The following WWP1 variants were observed in gnomAD, a reference collection of about 807,000 sequenced individuals.
The protein encoded by WWP1 is WW domain containing E3 ubiquitin protein ligase 1.
WWP1 carries 49 observed loss-of-function variants against 130.6 expected under a neutral mutation model. The ratio of observed to expected loss-of-function variants is 0.38; its 90% CI spans 0.30 to 0.48. The LOEUF is 0.48. WWP1 is among the 20% of genes least tolerant of loss of function. The pLI, the probability that WWP1 is intolerant of heterozygous loss-of-function variation, is 0.99. For synonymous variants in WWP1, 332 were observed against 367.8 expected (o/e 0.90, Z 1.11); for missense variants, 809 against 1,100.6 (o/e 0.74, Z 3.75).
At chr8:86,430,843 T>TTA (rs1450932808) in intron 12 of WWP1, 92 bp downstream of exon 12, 81 of 385,180 alleles carry the variant, frequency 2.1e-4, no homozygotes, top group Non-Finnish European at 2.7e-4. Flanking sequence ...GTTCCTTATT[T>TTA]TATATATATA....
chr8:86,398,260 T>C (rs1305211542), intron 5 of WWP1, 82 bp from the exon 6 acceptor site: 27 of 1,437,118 alleles, frequency 1.9e-5, no homozygotes, highest in Non-Finnish European at 2.5e-5. Context: ...TGAATTAGAG[T>C]GATTCTTGAA....
Position 86,402,552 on chromosome 8 carries a change from T to C in WWP1, c.724+349T>C, listed in dbSNP as rs144025894. Among the ~76,000 whole-genome samples, 77 of 152,230 alleles carry C rather than the reference T, an allele frequency of 5.1e-4. No individual in the cohort carries two copies. The Middle Eastern group carries it at 0.014, about 27-fold the overall frequency. On this transcript the variant is annotated intron_variant, in intron 8 of 24. Coordinates refer to ENST00000517970, the MANE Select transcript of WWP1 (RefSeq NM_007013.4). ...AGTGATCTGCCCACCTCAGCCTCCCTAAAGTGTTGGGATTACAGGCATGAG... is the reference window on the plus strand; with the variant it reads ...AGTGATCTGCCCACCTCAGCCTCCCCAAAGTGTTGGGATTACAGGCATGAG...
At chr8:86,450,088 T>C (rs1200660725) in intron 20 of WWP1, among the ~76,000 whole-genome samples, 2 of 152,222 alleles carry the variant, frequency 1.3e-5, no homozygotes, top group Non-Finnish European at 2.9e-5. Flanking sequence ...GATACTGCTA[T>C]GTGGCTTTTG....
intron 24 of WWP1, among the ~76,000 whole-genome samples, chr8:86,463,917 C>T (rs896181961): frequency 2.0e-5 from 3 of 151,754 alleles, no homozygotes; most frequent in African/African-American, 7.3e-5. Flanking sequence ...AAAAATTAGC[C>T]GGGTGTGGTG....
At chr8:86,442,532 G>A in intron 17 of WWP1, 87 bp from the exon 18 acceptor site, 1 of 1,264,478 alleles carries the variant, frequency 7.9e-7, no homozygotes, top group East Asian at 2.6e-5. Flanking sequence ...TTGAGCAGAG[G>A]TATGATGTAT....
rs1430308871 is a variant in WWP1, at chr8:86,431,159, ATATAT to A, written c.1388-240_1388-236del. 4.6e-5 allele frequency among the ~76,000 whole-genome samples: 5 copies of A among 109,302 alleles called. No homozygotes were observed. In the East Asian group the frequency reaches 1.3e-3, roughly 29 times the overall value. 71.7% of individuals were successfully genotyped at this position (109,302 alleles called of 152,430 possible). A position where few individuals can be genotyped will look rare whatever the true frequency, so the allele number is the denominator to read the frequency against. On this transcript the variant is annotated intron_variant, in intron 12 of 24. Coordinates refer to ENST00000517970, the MANE Select transcript of WWP1 (RefSeq NM_007013.4). ...ATTAAAGAATTATATATTATAGAAT[ATATAT>A]TATATTCTACATAATTATCTATAAT...
At chr8:86,461,447 A>G in intron 23 of WWP1, 127 bp downstream of exon 23, 1 of 822,106 alleles carries the variant, frequency 1.2e-6, no homozygotes. Context: ...TTCATTTAGA[A>G]GAAAGAAAAA....
In WWP1 at chr8:86,362,163, C is replaced by CATATATATATATATAT. The variant is rs34231831; in HGVS notation, c.-114-6752_-114-6737dup. On this transcript the variant is annotated intron_variant, in intron 1 of 24. Transcript: ENST00000517970. Reference sequence around the variant, plus strand: ...ATACTAGGCATATATATATACAAGGCATATATATATATATATATATATATA... The same window carrying CATATATATATATATAT: ...ATACTAGGCATATATATATACAAGGCATATATATATATATATATATATATATATATATATATATATA... Among the ~76,000 whole-genome samples the CATATATATATATATAT allele has an allele frequency of 2.7e-4, 16 of 59,020 alleles. 1 individual carries two copies. The highest frequency in any genetic ancestry group is 7.9e-4 in the African/African-American group (8 of 10,150). The allele number at this position is 59,020 out of a possible 152,430, so 38.7% of individuals were successfully genotyped here. A position where few individuals can be genotyped will look rare whatever the true frequency, so the allele number is the denominator to read the frequency against.
At chr8:86,374,978 G>C (rs185918382) in intron 3 of WWP1, among the ~76,000 whole-genome samples, 1 of 152,092 alleles carries the variant, frequency 6.6e-6, no homozygotes, top group East Asian at 1.9e-4. Context: ...CTCCCAAATT[G>C]AGCCACTGTG....
chr8:86,468,478 A>G lies in WWP1; in HGVS notation c.*1585A>G. On this transcript the variant is annotated 3_prime_UTR_variant, in exon 25 of 25. Coordinates refer to ENST00000517970, the MANE Select transcript of WWP1 (RefSeq NM_007013.4). ...ATGTGACAGGTTATGTGATAGAGGGAAACTGGCCTTCAAAAAGGACTGCGT... is the reference window on the plus strand; with the variant it reads ...ATGTGACAGGTTATGTGATAGAGGGGAACTGGCCTTCAAAAAGGACTGCGT... The G allele has an allele frequency of 2.4e-6, 1 of 425,082 alleles. No individual in the cohort carries two copies. Among genetic ancestry groups the G allele is most frequent in the Non-Finnish European group, 4.6e-6 (1 of 217,506 alleles). 26.3% of individuals were successfully genotyped at this position (425,082 alleles called of 1,614,324 possible). A position where few individuals can be genotyped will look rare whatever the true frequency, so the allele number is the denominator to read the frequency against.
chr8:86,448,705 C>A (rs1382144977), intron 20 of WWP1, among the ~76,000 whole-genome samples, 192 bp downstream of exon 20: 1 of 152,160 alleles, frequency 6.6e-6, no homozygotes, highest in Admixed American at 6.5e-5. Context: ...TCTACCATTT[C>A]CCTTTCCATG....
chr8:86,369,929 G>C (rs1327579679), intron 2 of WWP1, among the ~76,000 whole-genome samples: 1 of 151,710 alleles, frequency 6.6e-6, no homozygotes, highest in Non-Finnish European at 1.5e-5. Context: ...CATGTAATTT[G>C]AGTGTACCAG....
intron 1 of WWP1, among the ~76,000 whole-genome samples, chr8:86,361,963 AGT>A (rs376616908): frequency 2.2e-5 from 3 of 134,028 alleles, no homozygotes; most frequent in African/African-American, 5.4e-5. Context: ...AAATATGCCT[AGT>A]GTGTGTGTGT....
chr8:86,404,407 C>T (rs755103962), intron 8 of WWP1, among the ~76,000 whole-genome samples: 7 of 152,142 alleles, frequency 4.6e-5, no homozygotes, highest in Non-Finnish European at 1.0e-4. Context: ...AAAAAGGAGA[C>T]GAAATTGAGG....
chr8:86,400,959 A>G (rs1807942398), intron 7 of WWP1, among the ~76,000 whole-genome samples: 1 of 151,766 alleles, frequency 6.6e-6, no homozygotes, highest in Non-Finnish European at 1.5e-5. Flanking sequence ...GTATTTGGAA[A>G]AGCTCTCCTG....
intron 9 of WWP1, among the ~76,000 whole-genome samples, chr8:86,423,131 A>G (rs1186567353): frequency 6.6e-6 from 1 of 151,736 alleles, no homozygotes; most frequent in Non-Finnish European, 1.5e-5. Flanking sequence ...TCAGACAAAA[A>G]TAGACTAGAA....
chr8:86,411,778 C>T lies in WWP1; in HGVS notation c.965C>T (p.Ser322Phe). The change falls in exon 9 of 25, where the codon TCT becomes TTT. Residue 322 changes from serine (S) to phenylalanine (F), a missense_variant. Ser to Phe is a radical substitution (Grantham distance 155, BLOSUM62 -2). Coordinates refer to ENST00000517970, the MANE Select transcript of WWP1 (RefSeq NM_007013.4). ...EPDTSNSRSS[S>F]AFEAAKSRQP... ...GACACCTCTAATTCTAGAAGTAGTT[C>T]TGCTTTTGAAGCAGCCAAATCAAGA... The T allele has an allele frequency of 6.2e-7, 1 of 1,614,142 alleles. No individual in the cohort carries two copies. The highest frequency in any genetic ancestry group is 8.5e-7 in the Non-Finnish European group (1 of 1,180,018).
intron 18 of WWP1, among the ~76,000 whole-genome samples, chr8:86,445,961 CTTTTCTTTTCTTTTCTT>C (rs1810839675): frequency 9.0e-6 from 1 of 111,088 alleles, no homozygotes; most frequent in African/African-American, 3.9e-5. Flanking sequence ...CTTTTCTTTT[CTTTTCTTTTCTTTTCTT>C]TTTTTTTTTT....
chr8:86,378,224 CA>C (rs1824780674), intron 3 of WWP1, among the ~76,000 whole-genome samples: 1 of 152,068 alleles, frequency 6.6e-6, no homozygotes, highest in Admixed American at 6.5e-5. Context: ...CAAAAACACT[CA>C]AAACCAATCA....
Sources: allele counts gnomAD v4.1 joint callset (sites outside exome capture counted in the v4.1 genomes callset), GRCh38; gene constraint gnomAD v4.1.1; transcripts MANE v1.5; gene names NCBI Gene and HGNC (gene_info 2026-07-23, HGNC 2026-07-21).